Variants in CLASP2 observed in about 807,000 individuals in gnomAD.
CLASP2 encodes CLIP-associating protein 2.
A neutral mutation model predicts 194.4 loss-of-function variants in CLASP2; 47 were observed. That is an observed-to-expected ratio of 0.24 (90% CI 0.19 to 0.31). CLASP2 has a LOEUF of 0.31. CLASP2 is among the 10% of genes least tolerant of loss of function. The pLI, the probability that CLASP2 is intolerant of heterozygous loss-of-function variation, is 1.00. For synonymous variants in CLASP2, 619 were observed against 633.5 expected (o/e 0.98, Z 0.34); for missense variants, 1,445 against 1,823.6 (o/e 0.79, Z 3.78).
intron 2 of CLASP2, among the ~76,000 whole-genome samples, chr3:33,696,031 T>C (rs968525323): frequency 6.6e-6 from 1 of 152,158 alleles, no homozygotes; most frequent in Non-Finnish European, 1.5e-5. Context: ...CAAAGTATGA[T>C]CTACAGCCTA....
At chr3:33,708,552 A>ATG (rs1559704071) in intron 1 of CLASP2, among the ~76,000 whole-genome samples, 4 of 130,016 alleles carry the variant, frequency 3.1e-5, no homozygotes, top group African/African-American at 1.1e-4. Context: ...ATGTATATAT[A>ATG]TATATATATA....
intron 34 of CLASP2, among the ~76,000 whole-genome samples, chr3:33,530,500 C>G (rs915867732): frequency 6.6e-6 from 1 of 152,000 alleles, no homozygotes; most frequent in African/African-American, 2.4e-5. Context: ...ATAAACAAAC[C>G]AGTAACGCAG....
Position 33,606,776 on chromosome 3 carries a change from A to C in CLASP2, c.1527-18T>G. On this transcript the variant is annotated intron_variant, in intron 15 of 38. Transcript: ENST00000682230. ...TGTATGTCCTGTTAAAAAAAAAGAA[A>C]AGCAGATGAAGTAATAGCTTTACAT... The C allele has an allele frequency of 6.4e-7, 1 of 1,567,936 alleles. No homozygotes were observed. Among genetic ancestry groups the C allele is most frequent in the African/African-American group, 1.4e-5 (1 of 73,102 alleles).
intron 10 of CLASP2, 104 bp downstream of exon 10, chr3:33,626,884 A>G (rs2078153967): frequency 1.6e-6 from 1 of 641,306 alleles, no homozygotes; most frequent in East Asian, 2.8e-5. Flanking sequence ...CAGACTCTCT[A>G]TTTTATAAGT....
At chr3:33,703,011 A>T (rs2092472587) in intron 1 of CLASP2, among the ~76,000 whole-genome samples, 1 of 152,200 alleles carries the variant, frequency 6.6e-6, no homozygotes. Flanking sequence ...ACTCCTAGAA[A>T]ATAACATAAG....
intron 12 of CLASP2, among the ~76,000 whole-genome samples, chr3:33,613,396 G>A (rs1156437676): frequency 6.6e-6 from 1 of 152,142 alleles, no homozygotes; most frequent in Non-Finnish European, 1.5e-5. Context: ...TACTGGGAAG[G>A]GGCAACACCT....
chr3:33,510,919 T>C (rs1413471223), intron 36 of CLASP2, among the ~76,000 whole-genome samples, 155 bp from the exon 37 acceptor site: 3 of 152,138 alleles, frequency 2.0e-5, no homozygotes, highest in Non-Finnish European at 1.5e-5. Context: ...TACAGATTAC[T>C]GATAAAAAGG....
intron 36 of CLASP2, 85 bp from the exon 37 acceptor site, chr3:33,510,849 A>AAT (rs1263971684): frequency 1.7e-6 from 2 of 1,177,386 alleles, no homozygotes; most frequent in East Asian, 5.1e-5. Flanking sequence ...TGAAGTATTC[A>AAT]ATATAATATA....
chr3:33,589,974 T>C (rs964034864), intron 21 of CLASP2, among the ~76,000 whole-genome samples: 5 of 152,186 alleles, frequency 3.3e-5, no homozygotes, highest in Non-Finnish European at 7.4e-5. Context: ...TGTTTATTTC[T>C]CTGTTTACTG....
At chr3:33,581,066 AT>A (rs2154210357) in intron 23 of CLASP2, among the ~76,000 whole-genome samples, 1 of 151,972 alleles carries the variant, frequency 6.6e-6, no homozygotes, top group East Asian at 1.9e-4. Flanking sequence ...AAGAAAAAAA[AT>A]CTAAAATGGC....
At chr3:33,624,330 A>C (rs2077615501) in intron 10 of CLASP2, among the ~76,000 whole-genome samples, 3 of 152,160 alleles carry the variant, frequency 2.0e-5, no homozygotes. Context: ...AATATTATAT[A>C]ATCTTGGGCA....
chr3:33,707,553 G>A (rs1015214011), intron 1 of CLASP2, among the ~76,000 whole-genome samples: 8 of 152,108 alleles, frequency 5.3e-5, no homozygotes, highest in African/African-American at 1.9e-4. Context: ...GACACTGAAC[G>A]TTAATGGCCT....
intron 7 of CLASP2, among the ~76,000 whole-genome samples, chr3:33,662,458 C>A (rs2085454878): frequency 6.6e-6 from 1 of 152,188 alleles, no homozygotes; most frequent in South Asian, 2.1e-4. Context: ...TGAGAATCTT[C>A]TGGCATTCAA....
intron 18 of CLASP2, chr3:33,602,658 A>C (rs1577053651): frequency 1.3e-5 from 9 of 710,798 alleles, no homozygotes; most frequent in Middle Eastern, 2.3e-4. Context: ...CCCTTCCCAA[A>C]CCCCCTTAGA....
chr3:33,680,517 A>T (rs1435767355), intron 6 of CLASP2, among the ~76,000 whole-genome samples: 1 of 152,216 alleles, frequency 6.6e-6, no homozygotes, highest in Non-Finnish European at 1.5e-5. Flanking sequence ...GTGCTCTAAA[A>T]ATAAAGTCTA....
At chr3:33,559,208 G>A in intron 29 of CLASP2, 99 bp downstream of exon 29, 1 of 841,656 alleles carries the variant, frequency 1.2e-6, no homozygotes, top group Non-Finnish European at 2.0e-6. Context: ...CCCACTGATT[G>A]AACAGCTTCT....
At position 33,566,754 on chromosome 3, in the gene CLASP2, AG is replaced by A. The variant is rs1394387945; in HGVS notation, c.2764-21del. 2.2e-6 allele frequency: 1 copy of A among 445,272 alleles called. No homozygotes were observed. The highest frequency in any genetic ancestry group is 1.6e-5 in the South Asian group (1 of 61,124). 27.6% of individuals were successfully genotyped at this position (445,272 alleles called of 1,614,324 possible). On this transcript the variant is annotated intron_variant, in intron 26 of 38. Coordinates refer to ENST00000682230, the MANE Select transcript of CLASP2 (RefSeq NM_001365631.1). ...TACTCTCTATTGAGAGTTCCAACAC[AG>A]GGGACAGCATGCAAAAAGAAAAAAA...
intron 14 of CLASP2, 82 bp from the exon 15 acceptor site, chr3:33,607,543 T>G: frequency 1.2e-6 from 1 of 840,222 alleles, no homozygotes; most frequent in South Asian, 2.1e-5. Context: ...ATATGTTACA[T>G]ATTAATCACA....
At chr3:33,576,062 A>C in intron 24 of CLASP2, 107 bp downstream of exon 24, 1 of 744,212 alleles carries the variant, frequency 1.3e-6, no homozygotes, top group Non-Finnish European at 2.2e-6. Flanking sequence ...TTTAGATTTA[A>C]TCACTGATTT....
Sources: gnomAD v4.1 joint callset for allele counts (sites outside exome capture counted in the v4.1 genomes callset) on GRCh38, gnomAD v4.1.1 for gene constraint, MANE v1.5 for transcripts, NCBI Gene and HGNC (gene_info 2026-07-23, HGNC 2026-07-21) for gene names.